ARHGAP32: variants seen among roughly 807,000 people sequenced by gnomAD.
The protein encoded by ARHGAP32 is rho GTPase-activating protein 32.
A neutral mutation model predicts 186.5 loss-of-function variants in ARHGAP32; 51 were observed. The ratio of observed to expected loss-of-function variants is 0.27; its 90% CI spans 0.22 to 0.35. The LOEUF (loss-of-function observed/expected upper bound fraction) is 0.35, where lower values mean the gene tolerates loss of function less well. Ranked by LOEUF, ARHGAP32 falls within the 10% of genes least tolerant of loss-of-function variation. The pLI, the probability that ARHGAP32 is intolerant of heterozygous loss-of-function variation, is 1.00. For synonymous variants in ARHGAP32, 950 were observed against 964.3 expected (o/e 0.99, Z 0.27); for missense variants, 2,186 against 2,623.5 (o/e 0.83, Z 3.64).
At position 129,062,322 on chromosome 11, in the gene ARHGAP32, CG is replaced by C. The variant is rs1565402836; in HGVS notation, c.920del (p.Pro307ArgfsTer4). The C allele has an allele frequency of 6.2e-7, 1 of 1,613,610 alleles. No individual in the cohort carries two copies. Among genetic ancestry groups the C allele is most frequent in the East Asian group, 2.2e-5 (1 of 44,852 alleles). On this transcript the variant is annotated frameshift_variant, in exon 10 of 23. Coordinates refer to ENST00000682385, the MANE Select transcript of ARHGAP32 (RefSeq NM_001378024.1). LOFTEE classifies it high-confidence loss of function. ...GDIVSVIDMP[P>X]KVLSTWWRGK... The stretch of plus-strand genomic sequence containing the variant: ...CTCTCCACCATGTGCTTAACACTTT[CG>C]GGGGCATGTCAATAACAGAAACAAT...
intron 1 of ARHGAP32, among the ~76,000 whole-genome samples, chr11:129,180,409 G>C (rs1944030524): frequency 6.6e-6 from 1 of 152,220 alleles, no homozygotes; most frequent in Non-Finnish European, 1.5e-5. Flanking sequence ...TACCTTGATT[G>C]GGTTGTGATT....
chr11:129,173,813 T>C (rs1194982586), intron 1 of ARHGAP32, among the ~76,000 whole-genome samples: 1 of 152,158 alleles, frequency 6.6e-6, no homozygotes, highest in East Asian at 1.9e-4. Flanking sequence ...AAATACTAAA[T>C]GATTTCCCAC....
At chr11:129,179,488 T>G (rs898552808) in intron 1 of ARHGAP32, among the ~76,000 whole-genome samples, 1 of 152,032 alleles carries the variant, frequency 6.6e-6, no homozygotes, top group Non-Finnish European at 1.5e-5. Flanking sequence ...TAAAGACACA[T>G]GCACACGTAT....
rs1190362971 is a variant in ARHGAP32, at chr11:129,023,953, T to C, written c.1045+16975A>G. ...TTCATCAGGATACAACAGCTCTGCA[T>C]TCCGTACAAGAGTGTAGAAAATAAA... On this transcript the variant is annotated intron_variant, in intron 11 of 22. Transcript: ENST00000682385. 8.9e-5 allele frequency: 88 copies of C among 985,256 alleles called. 4 individuals carry two copies. The Admixed American group carries it at 5.4e-3, about 61-fold the overall frequency. 61.0% of individuals were successfully genotyped at this position (985,256 alleles called of 1,614,324 possible). A position where few individuals can be genotyped will look rare whatever the true frequency, so the allele number is the denominator to read the frequency against.
At chr11:129,276,782 C>T (rs1227207348) in intron 1 of ARHGAP32, among the ~76,000 whole-genome samples, 3 of 152,180 alleles carry the variant, frequency 2.0e-5, no homozygotes, top group Non-Finnish European at 4.4e-5. Context: ...CTTCACAGCT[C>T]TGTAAGAAAA....
intron 1 of ARHGAP32, among the ~76,000 whole-genome samples, chr11:129,257,163 G>C (rs1028529814): frequency 4.6e-5 from 7 of 152,140 alleles, no homozygotes; most frequent in African/African-American, 1.7e-4. Flanking sequence ...GAAAGGAAAA[G>C]GGAAGAAATG....
At chr11:129,272,461 G>C (rs182912259) in intron 1 of ARHGAP32, among the ~76,000 whole-genome samples, 32 of 152,278 alleles carry the variant, frequency 2.1e-4, no homozygotes, top group Non-Finnish European at 4.1e-4. Context: ...TCCTTTCTAA[G>C]GCTACAACCC....
intron 1 of ARHGAP32, among the ~76,000 whole-genome samples, chr11:129,252,470 G>C (rs1945198164): frequency 6.6e-6 from 1 of 152,102 alleles, no homozygotes; most frequent in Non-Finnish European, 1.5e-5. Context: ...GCAAAATATT[G>C]ATCACCATTA....
chr11:129,063,071 T>C (rs912121335), intron 9 of ARHGAP32, among the ~76,000 whole-genome samples: 1 of 152,292 alleles, frequency 6.6e-6, no homozygotes, highest in South Asian at 2.1e-4. Context: ...GAAATGCTGA[T>C]ATCTATGATA....
chr11:129,193,481 C>CAAA (rs1204964930), upstream of ARHGAP32, among the ~76,000 whole-genome samples: 15 of 26,044 alleles, frequency 5.8e-4, no homozygotes, highest in African/African-American at 2.6e-3. Flanking sequence ...GACCCTGTCT[C>CAAA]AAAAAAAAAA....
upstream of ARHGAP32, among the ~76,000 whole-genome samples, chr11:129,196,388 A>T (rs924492333): frequency 6.6e-6 from 1 of 152,176 alleles, no homozygotes; most frequent in Non-Finnish European, 1.5e-5. Context: ...TCCCTAAACA[A>T]TACTGTATGC....
intron 10 of ARHGAP32, among the ~76,000 whole-genome samples, chr11:129,041,745 G>C (rs1939601395): frequency 6.6e-6 from 1 of 152,140 alleles, no homozygotes; most frequent in Admixed American, 6.5e-5. Context: ...CTGAGTTCCA[G>C]ATCATCCAGA....
chr11:129,127,709 A>G (rs372674075), intron 2 of ARHGAP32, among the ~76,000 whole-genome samples: 8 of 152,246 alleles, frequency 5.3e-5, no homozygotes, highest in African/African-American at 1.9e-4. Flanking sequence ...GCTCCAAACC[A>G]AAGATTAAGA....
Position 128,998,345 on chromosome 11 carries a change from T to C in ARHGAP32, c.1169A>G (p.Glu390Gly). 1 of 1,580,078 alleles carries C rather than the reference T, an allele frequency of 6.3e-7. No individual in the cohort carries two copies. The highest frequency in any genetic ancestry group is 8.6e-7 in the Non-Finnish European group (1 of 1,162,090). ...KERVFGCDLG[E>G]HLLNSGFEVP... ...TTCAAAACCAGAATTTAGAAGGTGT[T>C]CCCCCAGGTCACAACCAAACACCCT... Residue 390 changes from glutamate (E) to glycine (G), a missense_variant, in exon 12 of 23, where the codon GAA becomes GGA. Physicochemically the swap from Glu to Gly is moderately conservative, Grantham distance 98. This residue lies in a region of ARHGAP32 where 308 missense variants were observed against 596.5 expected (regional missense o/e 0.52). Coordinates refer to ENST00000682385, the MANE Select transcript of ARHGAP32 (RefSeq NM_001378024.1).
At chr11:129,004,673 G>T (rs1023336880) in intron 11 of ARHGAP32, among the ~76,000 whole-genome samples, 5 of 151,916 alleles carry the variant, frequency 3.3e-5, no homozygotes, top group Non-Finnish European at 7.4e-5. Flanking sequence ...TTTGTCTTAT[G>T]TAAGTATAGC....
At position 129,192,261 on chromosome 11, in the gene ARHGAP32, A is replaced by C; in HGVS notation, c.-63T>G. ...CATGGAATAAAAAGCACCAACATTC[A>C]GGTTGTTCAGCTCTACTCATGTATA... On this transcript the variant is annotated 5_prime_UTR_variant, in exon 1 of 23. Coordinates refer to ENST00000682385, the MANE Select transcript of ARHGAP32 (RefSeq NM_001378024.1). 1 of 1,176,868 alleles carries C rather than the reference A, an allele frequency of 8.5e-7. No individual in the cohort carries two copies. Among genetic ancestry groups the C allele is most frequent in the Non-Finnish European group, 1.3e-6 (1 of 791,748 alleles). 72.9% of individuals were successfully genotyped at this position (1,176,868 alleles called of 1,614,324 possible).
intron 6 of ARHGAP32, among the ~76,000 whole-genome samples, chr11:129,076,549 G>A (rs1227149273): frequency 6.6e-6 from 1 of 152,104 alleles, no homozygotes; most frequent in African/African-American, 2.4e-5. Context: ...AAAAAATTTG[G>A]AGATTAAATG....
At chr11:129,150,161 T>A (rs1026851726) in intron 2 of ARHGAP32, among the ~76,000 whole-genome samples, 7 of 144,904 alleles carry the variant, frequency 4.8e-5, no homozygotes, top group African/African-American at 7.6e-5. Context: ...CTCCAAGAAA[T>A]TAGGGATTAT....
At chr11:129,215,009 G>A (rs930117408) in intron 1 of ARHGAP32, among the ~76,000 whole-genome samples, 6 of 152,124 alleles carry the variant, frequency 3.9e-5, no homozygotes, top group Non-Finnish European at 7.4e-5. Flanking sequence ...GACCCCAGCC[G>A]CTTAGGAACA....
Sources: gnomAD v4.1 joint callset for allele counts (sites outside exome capture counted in the v4.1 genomes callset) on GRCh38, gnomAD v4.1.1 for gene constraint, gnomAD v4.1.1 regional missense constraint, MANE v1.5 for transcripts, NCBI Gene and HGNC (gene_info 2026-07-23, HGNC 2026-07-21) for gene names.